The following RAP1GAP2 variants were observed in gnomAD, a reference collection of about 807,000 sequenced individuals.
RAP1GAP2 encodes the protein RAP1 GTPase activating protein 2.
RAP1GAP2 carries 27 observed loss-of-function variants against 95.0 expected under a neutral mutation model. The observed-to-expected ratio is 0.28, with a 90% CI of 0.21 to 0.39. The LOEUF (loss-of-function observed/expected upper bound fraction) is 0.39. Ranked by LOEUF, RAP1GAP2 falls within the 10% of genes least tolerant of loss-of-function variation. The probability of loss-of-function intolerance (pLI) is 1.00; values close to 1 mark genes in which losing one functional copy is unlikely to be tolerated. For missense variants in RAP1GAP2, 771 were observed against 970.0 expected (o/e 0.79, Z 2.72); for synonymous variants, 373 against 380.9 (o/e 0.98, Z 0.24).
At chr17:2,853,321 G>C (rs1001734988) in intron 2 of RAP1GAP2, among the ~76,000 whole-genome samples, 1 of 151,936 alleles carries the variant, frequency 6.6e-6, no homozygotes, top group African/African-American at 2.4e-5. Context: ...GACCGCGCGC[G>C]GGCAGTTTCG....
chr17:2,978,724 A>G (rs534616074), intron 8 of RAP1GAP2, among the ~76,000 whole-genome samples: 1,332 of 103,580 alleles, frequency 0.013, 22 homozygotes, highest in African/African-American at 0.033. Context: ...ACCTGAGGTC[A>G]GGAATTCGAG....
At chr17:2,905,392 G>C in intron 3 of RAP1GAP2, 24 bp downstream of exon 3, 1 of 1,608,588 alleles carries the variant, frequency 6.2e-7, no homozygotes, top group South Asian at 1.1e-5. Context: ...ATTCAGGAAG[G>C]CAGGGAGGGG....
At chr17:2,780,838 G>T (rs1220510685) in intron 1 of RAP1GAP2, among the ~76,000 whole-genome samples, 2 of 152,240 alleles carry the variant, frequency 1.3e-5, no homozygotes, top group Non-Finnish European at 2.9e-5. Context: ...GCATCTCATG[G>T]ATGATACTCT....
At chr17:2,864,630 G>A (rs2072549608) in intron 2 of RAP1GAP2, among the ~76,000 whole-genome samples, 1 of 152,162 alleles carries the variant, frequency 6.6e-6, no homozygotes, top group African/African-American at 2.4e-5. Flanking sequence ...GGGAGCTCTG[G>A]GTGTAACCCT....
chr17:2,892,193 T>G (rs1180534580), intron 2 of RAP1GAP2, among the ~76,000 whole-genome samples: 1 of 152,178 alleles, frequency 6.6e-6, no homozygotes, highest in Non-Finnish European at 1.5e-5. Context: ...AATTTTTCAT[T>G]TGCCCAGGTG....
intron 2 of RAP1GAP2, among the ~76,000 whole-genome samples, chr17:2,878,286 A>G (rs559533609): frequency 1.8e-4 from 27 of 152,226 alleles, no homozygotes; most frequent in African/African-American, 6.0e-4. Flanking sequence ...CGATGAGGTC[A>G]TTTAGGGACA....
chr17:2,874,435 C>G (rs191023060), intron 2 of RAP1GAP2, among the ~76,000 whole-genome samples: 1 of 152,168 alleles, frequency 6.6e-6, no homozygotes, highest in Non-Finnish European at 1.5e-5. Context: ...AGGCCCCGGG[C>G]TGACGGAGGC....
intron 2 of RAP1GAP2, among the ~76,000 whole-genome samples, chr17:2,801,362 A>C (rs178560): frequency 0.79 from 119,551 of 150,548 alleles, 47,785 homozygotes; most frequent in Admixed American, 0.85. Context: ...GTAATCCCAG[A>C]TACTCAGGAG....
chr17:2,806,665 G>A (rs2069535177), intron 2 of RAP1GAP2, among the ~76,000 whole-genome samples: 1 of 151,288 alleles, frequency 6.6e-6, no homozygotes, highest in African/African-American at 2.4e-5. Flanking sequence ...CCAAAGTGCT[G>A]GGATTACAGG....
intron 2 of RAP1GAP2, among the ~76,000 whole-genome samples, chr17:2,830,014 T>C (rs778286618): frequency 6.6e-6 from 1 of 152,138 alleles, no homozygotes; most frequent in Non-Finnish European, 1.5e-5. Context: ...TATTTTGTTG[T>C]GGTGAGAACA....
In RAP1GAP2 at chr17:3,005,243, T is replaced by G; in HGVS notation, c.1201-126T>G. ...CCTGTGCTGGCGATGCTCACAGGAG[T>G]ATTTTGTTTGTGTTCTGGGAAGAGG... On this transcript the variant is annotated intron_variant, in intron 14 of 24. Coordinates refer to ENST00000254695, the MANE Select transcript of RAP1GAP2 (RefSeq NM_015085.5). The surrounding 1 kb of genome is among the most constrained non-coding windows in gnomAD (Gnocchi z 5.2). The G allele has an allele frequency of 1.1e-6, 1 of 947,256 alleles. No homozygotes were observed. Among genetic ancestry groups the G allele is most frequent in the Non-Finnish European group, 1.7e-6 (1 of 579,618 alleles). The allele number at this position is 947,256 out of a possible 1,614,324, so 58.7% of individuals were successfully genotyped here.
chr17:2,834,828 T>C (rs1200151023), intron 2 of RAP1GAP2, among the ~76,000 whole-genome samples: 1 of 152,064 alleles, frequency 6.6e-6, no homozygotes, highest in Non-Finnish European at 1.5e-5. Flanking sequence ...CATCTGGTCC[T>C]CTGCCTCAGT....
intron 3 of RAP1GAP2, among the ~76,000 whole-genome samples, chr17:2,917,086 T>G (rs2042596410): frequency 6.6e-6 from 1 of 152,220 alleles, no homozygotes; most frequent in Non-Finnish European, 1.5e-5. Context: ...CAGCCCATCT[T>G]TCTTTCCTTT....
intron 1 of RAP1GAP2, among the ~76,000 whole-genome samples, chr17:2,768,159 C>T (rs559427430): frequency 3.3e-5 from 5 of 152,148 alleles, no homozygotes; most frequent in Non-Finnish European, 5.9e-5. Flanking sequence ...TTGCTGGAAT[C>T]CCTAGGTAAA....
At chr17:2,818,903 G>A (rs1567676263) in intron 2 of RAP1GAP2, among the ~76,000 whole-genome samples, 2 of 152,146 alleles carry the variant, frequency 1.3e-5, no homozygotes, top group Non-Finnish European at 2.9e-5. Flanking sequence ...TTGTTTTGGA[G>A]ACTGAGTAAG....
chr17:3,020,074 TGGAA>T (rs1597890515), intron 18 of RAP1GAP2, among the ~76,000 whole-genome samples: 1 of 152,384 alleles, frequency 6.6e-6, no homozygotes, highest in East Asian at 1.9e-4. Flanking sequence ...AGTGATTTGC[TGGAA>T]GACCTTTGGT....
chr17:2,938,986 C>CA (rs768851862), intron 3 of RAP1GAP2, among the ~76,000 whole-genome samples: 11 of 152,226 alleles, frequency 7.2e-5, no homozygotes, highest in African/African-American at 9.6e-5. Flanking sequence ...AACTCCGTCT[C>CA]AAAAAACAAA....
intron 3 of RAP1GAP2, among the ~76,000 whole-genome samples, chr17:2,949,407 AC>A (rs2043830213): frequency 6.6e-6 from 1 of 152,176 alleles, no homozygotes; most frequent in African/African-American, 2.4e-5. Context: ...GTGAGCATTA[AC>A]TGAGCACCTG....
chr17:2,935,233 C>A (rs554081526), intron 3 of RAP1GAP2, among the ~76,000 whole-genome samples: 2 of 152,082 alleles, frequency 1.3e-5, no homozygotes, highest in Non-Finnish European at 1.5e-5. Flanking sequence ...TCAGGCCAGG[C>A]GCAGTGGCTC....
Sources: gnomAD v4.1 joint callset for allele counts (sites outside exome capture counted in the v4.1 genomes callset) on GRCh38, gnomAD v4.1.1 for gene constraint, Gnocchi (gnomAD v3.1) non-coding constraint, MANE v1.5 for transcripts, NCBI Gene and HGNC (gene_info 2026-07-23, HGNC 2026-07-21) for gene names.